Variants in MARCHF6 observed in about 807,000 individuals in gnomAD.
The protein encoded by MARCHF6 is membrane associated ring-CH-type finger 6.
Under a neutral mutation model 133.7 loss-of-function variants are expected in MARCHF6, and 31 were observed. The observed-to-expected ratio is 0.23, with a 90% CI of 0.17 to 0.31. MARCHF6 has a LOEUF of 0.31. Among genes scored for constraint, MARCHF6 ranks in the 10% least tolerant of loss-of-function variants. MARCHF6 has a pLI of 1.00. For synonymous variants in MARCHF6, 395 were observed against 402.5 expected (o/e 0.98, Z 0.22); for missense variants, 723 against 1,121.6 (o/e 0.64, Z 5.08).
At chr5:10,427,739 C>G (rs546456134) in intron 24 of MARCHF6, among the ~76,000 whole-genome samples, 1 of 152,068 alleles carries the variant, frequency 6.6e-6, no homozygotes, top group Non-Finnish European at 1.5e-5. Flanking sequence ...TGTGTGTGCC[C>G]TTCTTTACCT....
chr5:10,394,728 T>C, intron 8 of MARCHF6, 25 bp from the exon 9 acceptor site: 3 of 1,567,788 alleles, frequency 1.9e-6, no homozygotes, highest in Non-Finnish European at 2.6e-6. Context: ...CTTAAATTAA[T>C]GCTTATCGTT....
Position 10,437,941 on chromosome 5 carries a change from TTATAA to T in MARCHF6, c.*4260_*4264del, listed in dbSNP as rs1317095909. 6 of 152,700 alleles carry T rather than the reference TTATAA, an allele frequency of 3.9e-5. No individual in the cohort carries two copies. The highest frequency in any genetic ancestry group is 9.7e-5 in the African/African-American group (4 of 41,424). The allele number at this position is 152,700 out of a possible 1,614,324, so 9.5% of individuals were successfully genotyped here. A position where few individuals can be genotyped will look rare whatever the true frequency, so the allele number is the denominator to read the frequency against. ...TTAGCCAGCATAGATAATCCAGATGTTATAATAGGAAGGAAAAACAACTCCAGTTA... is the reference window on the plus strand; with the variant it reads ...TTAGCCAGCATAGATAATCCAGATGTTAGGAAGGAAAAACAACTCCAGTTA... On this transcript the variant is annotated 3_prime_UTR_variant, in exon 26 of 26. Transcript: ENST00000274140.
chr5:10,408,917 T>C (rs929722678), intron 17 of MARCHF6, among the ~76,000 whole-genome samples: 1 of 152,246 alleles, frequency 6.6e-6, no homozygotes, highest in African/African-American at 2.4e-5. Flanking sequence ...CAAATATGTA[T>C]TGTTTTATCC....
chr5:10,395,185 G>A (rs1039244409), intron 9 of MARCHF6, among the ~76,000 whole-genome samples: 3 of 152,138 alleles, frequency 2.0e-5, no homozygotes, highest in Non-Finnish European at 4.4e-5. Flanking sequence ...AGGTCAAGAT[G>A]CCCTTTGGCT....
At chr5:10,420,876 C>T (rs1422371955) in intron 22 of MARCHF6, among the ~76,000 whole-genome samples, 2 of 152,222 alleles carry the variant, frequency 1.3e-5, no homozygotes, top group Admixed American at 1.3e-4. Context: ...TAACCATTCA[C>T]AGATTACTCT....
intron 3 of MARCHF6, among the ~76,000 whole-genome samples, chr5:10,379,359 CAA>C (rs1561110831): frequency 2.0e-5 from 3 of 151,904 alleles, no homozygotes; most frequent in Admixed American, 2.0e-4. Context: ...GAAAAATAAA[CAA>C]TGATGCCTTG....
At chr5:10,374,547 T>G (rs1736657578) in intron 1 of MARCHF6, among the ~76,000 whole-genome samples, 1 of 152,154 alleles carries the variant, frequency 6.6e-6, no homozygotes, top group African/African-American at 2.4e-5. Context: ...GTTGGAACTT[T>G]GAGGAAGCTT....
At chr5:10,433,451 C>T in intron 25 of MARCHF6, 143 bp from the exon 26 acceptor site, 1 of 645,432 alleles carries the variant, frequency 1.5e-6, no homozygotes, top group South Asian at 1.8e-5. Flanking sequence ...ATGTGTCAGC[C>T]TTTACAGGTG....
chr5:10,411,246 G>A (rs532547419), intron 18 of MARCHF6, 87 bp from the exon 19 acceptor site: 2 of 1,023,000 alleles, frequency 2.0e-6, no homozygotes, highest in East Asian at 4.8e-5. Context: ...TCTACCCTTA[G>A]TAGTAAATAT....
Position 10,353,732 on chromosome 5 carries a change from G to T in MARCHF6, c.-167G>T. The T allele has an allele frequency of 2.2e-6, 1 of 444,824 alleles. No individual in the cohort carries two copies. The highest frequency in any genetic ancestry group is 4.1e-6 in the Non-Finnish European group (1 of 244,204). 27.6% of individuals were successfully genotyped at this position (444,824 alleles called of 1,614,324 possible). The stretch of plus-strand genomic sequence containing the variant: ...CCCCCTCCCGTGTCGCTCGCTTTCT[G>T]TCAGCCTCTCTCCCTCTCCCTCTCC... On this transcript the variant is annotated 5_prime_UTR_variant, in exon 1 of 26. Coordinates refer to ENST00000274140, the MANE Select transcript of MARCHF6 (RefSeq NM_005885.4).
chr5:10,414,183 C>T (rs144745776), intron 19 of MARCHF6, among the ~76,000 whole-genome samples: 226 of 151,350 alleles, frequency 1.5e-3, no homozygotes, highest in African/African-American at 5.3e-3. Context: ...TTTTTTTATG[C>T]TCTCTGATTA....
intron 14 of MARCHF6, 59 bp downstream of exon 14, chr5:10,402,666 T>C (rs1738617225): frequency 7.5e-7 from 1 of 1,332,188 alleles, no homozygotes; most frequent in Non-Finnish European, 1.1e-6. Context: ...AAAGAGGAAG[T>C]CTTCAGCATG....
intron 16 of MARCHF6, 50 bp from the exon 17 acceptor site, chr5:10,407,052 C>A: frequency 2.9e-6 from 3 of 1,027,810 alleles, no homozygotes; most frequent in Non-Finnish European, 4.6e-6. Flanking sequence ...CTGTCTTGCA[C>A]AGGAGTGATT....
chr5:10,430,639 C>T (rs571147956), intron 25 of MARCHF6, among the ~76,000 whole-genome samples: 166 of 152,202 alleles, frequency 1.1e-3, no homozygotes, highest in Non-Finnish European at 2.0e-3. Flanking sequence ...AATAGTTTTT[C>T]AGTCTGTTTT....
rs879813112 is a variant in MARCHF6 at position 10,440,293 on chromosome 5, A to G, written c.*6609A>G. ...AAATAAAACCTGAAATCCCTGTCCT[A>G]TTTCCCAGAGGTAACTGCTGTTAAT... On this transcript the variant is annotated 3_prime_UTR_variant, in exon 26 of 26. Transcript: ENST00000274140. 6.6e-5 allele frequency: 10 copies of G among 152,174 alleles called. No homozygotes were observed. The highest frequency in any genetic ancestry group is 1.0e-4 in the Non-Finnish European group (7 of 68,038). 9.4% of individuals were successfully genotyped at this position (152,174 alleles called of 1,614,324 possible).
At chr5:10,386,840 T>A (rs899589033) in intron 4 of MARCHF6, 154 bp from the exon 5 acceptor site, 9 of 566,518 alleles carry the variant, frequency 1.6e-5, no homozygotes, top group African/African-American at 1.3e-4. Context: ...ACTGTGTTTT[T>A]AAAAATTTAA....
rs180824225 is a variant in MARCHF6, at chr5:10,396,574, G to A, written c.862-719G>A. ...TTTTTTAGACAAAAGATCTTTGGAC[G>A]GATCATTTAACTTGATGGTTGCGGG... On this transcript the variant is annotated intron_variant, in intron 9 of 25. Transcript: ENST00000274140. Among the ~76,000 whole-genome samples, 20 of 152,248 alleles carry A rather than the reference G, an allele frequency of 1.3e-4. No homozygotes were observed. In the East Asian group the frequency reaches 2.7e-3, roughly 21 times the overall value.
intron 1 of MARCHF6, among the ~76,000 whole-genome samples, chr5:10,376,834 A>G (rs1736813149): frequency 6.6e-6 from 1 of 152,164 alleles, no homozygotes; most frequent in African/African-American, 2.4e-5. Flanking sequence ...TGCATTAGTG[A>G]TGGGGATCGG....
intron 1 of MARCHF6, among the ~76,000 whole-genome samples, chr5:10,356,879 T>A (rs544479804): frequency 2.6e-5 from 4 of 152,352 alleles, no homozygotes; most frequent in South Asian, 2.1e-4. Flanking sequence ...TAGTAATACT[T>A]AGTTCCGACA....
Sources: allele counts gnomAD v4.1 joint callset (sites outside exome capture counted in the v4.1 genomes callset), GRCh38; gene constraint gnomAD v4.1.1; transcripts MANE v1.5; gene names NCBI Gene and HGNC (gene_info 2026-07-23, HGNC 2026-07-21).